The following CYFIP2 variants were observed in gnomAD, a reference collection of about 807,000 sequenced individuals.
The protein encoded by CYFIP2 is cytoplasmic FMR1-interacting protein 2.
In CYFIP2, 29 loss-of-function variants were observed where a neutral mutation model predicts 158.7. The ratio of observed to expected loss-of-function variants is 0.18; its 90% CI spans 0.14 to 0.25. The LOEUF is 0.25. Ranked by LOEUF, CYFIP2 falls within the 10% of genes least tolerant of loss-of-function variation. The pLI, the probability that CYFIP2 is intolerant of heterozygous loss-of-function variation, is 1.00. For synonymous variants in CYFIP2, 585 were observed against 617.6 expected (o/e 0.95, Z 0.78); for missense variants, 852 against 1,639.5 (o/e 0.52, Z 8.29).
At chr5:157,325,363 A>G in intron 16 of CYFIP2, 119 bp from the exon 17 acceptor site, 2 of 1,149,200 alleles carry the variant, frequency 1.7e-6, no homozygotes, top group Non-Finnish European at 2.3e-6. Context: ...ACTAATCAAT[A>G]TTAGTACCTG....
intron 26 of CYFIP2, among the ~76,000 whole-genome samples, chr5:157,373,135 C>T (rs1314389456): frequency 1.3e-5 from 2 of 152,142 alleles, no homozygotes; most frequent in Non-Finnish European, 2.9e-5. Flanking sequence ...CCAACTTTGA[C>T]CCACAAGGCT....
chr5:157,332,487 A>G (rs967598659), intron 20 of CYFIP2, among the ~76,000 whole-genome samples: 4 of 152,202 alleles, frequency 2.6e-5, no homozygotes, highest in Non-Finnish European at 5.9e-5. Context: ...AAGAACAAGG[A>G]CGTTGTCTTA....
At position 157,393,183 on chromosome 5, in the gene CYFIP2, T is replaced by C; in HGVS notation, c.*183T>C. 1 of 491,778 alleles carries C rather than the reference T, an allele frequency of 2.0e-6. No individual in the cohort carries two copies. Among genetic ancestry groups the C allele is most frequent in the Non-Finnish European group, 3.4e-6 (1 of 289,902 alleles). The allele number at this position is 491,778 out of a possible 1,614,324, so 30.5% of individuals were successfully genotyped here. ...TGCATGCTCTCCCATGACATCTCCA[T>C]GCTGGTTTCTCCATAGCATAAATGA... is the stretch of plus-strand genomic sequence containing the variant. On this transcript the variant is annotated 3_prime_UTR_variant, in exon 31 of 31. Transcript: ENST00000620254.
intron 11 of CYFIP2, among the ~76,000 whole-genome samples, chr5:157,314,089 G>A (rs1759948560): frequency 6.6e-6 from 1 of 152,072 alleles, no homozygotes; most frequent in South Asian, 2.1e-4. Context: ...ACATATTGGT[G>A]CATACATAAA....
intron 5 of CYFIP2, among the ~76,000 whole-genome samples, chr5:157,297,202 A>G (rs1485399724): frequency 6.6e-6 from 1 of 152,236 alleles, no homozygotes. Context: ...AGAAGTTGCC[A>G]CAGAGGCAAA....
Position 157,341,089 on chromosome 5 carries a change from C to T in CYFIP2, c.2605C>T (p.Pro869Ser). Residue 869 changes from proline to serine, a missense_variant, in exon 23 of 31, where the codon CCT becomes TCT. Physicochemically the swap from Pro to Ser is moderately conservative, Grantham distance 74. Coordinates refer to ENST00000620254, the MANE Select transcript of CYFIP2 (RefSeq NM_001037333.3). ...TACTAGTTTTGTGCGGACTGCCATT[C>T]CTTTCACCCAAGAACCACAACGAGA... is the stretch of plus-strand genomic sequence containing the variant. The part of the protein sequence containing the change: ...STNRFVRTAI[P>S]FTQEPQRDKP... 1.2e-6 allele frequency: 2 copies of T among 1,613,994 alleles called. No homozygotes were observed. Among genetic ancestry groups the T allele is most frequent in the Non-Finnish European group, 1.7e-6 (2 of 1,179,870 alleles).
rs762307392 is a variant in CYFIP2, at chr5:157,323,996, C to T, written c.1747C>T (p.Leu583=). The change falls in exon 16 of 31, where the codon CTG becomes TTG. Residue 583 remains leucine (L), a synonymous_variant. Coordinates refer to ENST00000620254, the MANE Select transcript of CYFIP2 (RefSeq NM_001037333.3). ...SGSKKTLRSS[L]DGPIVLAIED... ...CTCCAAGAAGACCCTGAGGAGCAGC[C>T]TGGATGGACCCATTGTCCTCGCCAT... 16 of 1,613,066 alleles carry T rather than the reference C, an allele frequency of 9.9e-6. No individual in the cohort carries two copies. The highest frequency in any genetic ancestry group is 1.4e-5 in the Non-Finnish European group (16 of 1,179,518).
At chr5:157,287,255 A>G (rs1757466612) in intron 3 of CYFIP2, 147 bp downstream of exon 3, 1 of 599,374 alleles carries the variant, frequency 1.7e-6, no homozygotes, top group African/African-American at 1.8e-5. Context: ...CCACTCTTAC[A>G]TTCTGCGCCA....
At chr5:157,286,580 T>TATATA (rs1561691042) in intron 2 of CYFIP2, among the ~76,000 whole-genome samples, 2 of 139,980 alleles carry the variant, frequency 1.4e-5, no homozygotes, top group Admixed American at 7.1e-5. Flanking sequence ...ATATATATAT[T>TATATA]TAGCCTTTCA....
chr5:157,307,118 T>G (rs930613888), intron 8 of CYFIP2, among the ~76,000 whole-genome samples: 1 of 152,172 alleles, frequency 6.6e-6, no homozygotes, highest in African/African-American at 2.4e-5. Flanking sequence ...GTCAACCTAC[T>G]CAGAGGGCAA....
At chr5:157,332,638 C>T (rs575895552) in intron 20 of CYFIP2, among the ~76,000 whole-genome samples, 88 of 152,184 alleles carry the variant, frequency 5.8e-4, no homozygotes, top group African/African-American at 2.0e-3. Context: ...CAGGTGTCAG[C>T]GCGAATCTTT....
chr5:157,339,040 GCTCT>G lies in CYFIP2; in HGVS notation c.2386-10_2386-7del. 6.2e-7 allele frequency: 1 copy of G among 1,602,064 alleles called. No individual in the cohort carries two copies. The highest frequency in any genetic ancestry group is 8.5e-7 in the Non-Finnish European group (1 of 1,173,106). ...ACAAGCAAGTCCTCAGCAGTTGTGG[GCTCT>G]CTCTCTGTACAGGAGCTGGAGTGGC... On this transcript the variant is annotated splice_polypyrimidine_tract_variant and intron_variant, in intron 21 of 30. Transcript: ENST00000620254.
chr5:157,355,349 C>A (rs534253530), intron 23 of CYFIP2, among the ~76,000 whole-genome samples: 54 of 152,270 alleles, frequency 3.5e-4, no homozygotes, highest in Admixed American at 2.9e-3. Flanking sequence ...TCTTTATTTA[C>A]CAAGTCATCA....
At chr5:157,363,511 CAGAG>C (rs368753777) in intron 26 of CYFIP2, 1 of 152,546 alleles carries the variant, frequency 6.6e-6, no homozygotes, top group Non-Finnish European at 1.5e-5. Context: ...GTGGCTGTGT[CAGAG>C]AGAGATGTGC....
intron 23 of CYFIP2, chr5:157,343,383 C>G (rs1248047075): frequency 6.2e-7 from 1 of 1,614,190 alleles, no homozygotes; most frequent in Non-Finnish European, 8.5e-7. Context: ...GGCACCTTCT[C>G]CTCGTGGTGG....
At chr5:157,313,380 C>G (rs763272605) in intron 11 of CYFIP2, among the ~76,000 whole-genome samples, 1 of 152,170 alleles carries the variant, frequency 6.6e-6, no homozygotes, top group Non-Finnish European at 1.5e-5. Flanking sequence ...TTCCATAAGG[C>G]ATGTTACAGC....
intron 26 of CYFIP2, chr5:157,364,493 G>A (rs1177228652): frequency 1.3e-5 from 2 of 152,270 alleles, no homozygotes; most frequent in Non-Finnish European, 2.9e-5. Context: ...TCATAAGTGA[G>A]AAAACTGAGA....
chr5:157,280,639 A>C (rs1043768250), intron 1 of CYFIP2, among the ~76,000 whole-genome samples: 2 of 152,122 alleles, frequency 1.3e-5, no homozygotes, highest in Non-Finnish European at 1.5e-5. Context: ...ATTTTATGAA[A>C]AATTTGAAAC....
intron 1 of CYFIP2, among the ~76,000 whole-genome samples, chr5:157,275,126 T>G (rs1211408871): frequency 6.6e-6 from 1 of 152,182 alleles, no homozygotes; most frequent in Admixed American, 6.5e-5. Context: ...TGCAAATATT[T>G]TCTTCTATTC....
Sources: allele counts gnomAD v4.1 joint callset (sites outside exome capture counted in the v4.1 genomes callset), GRCh38; gene constraint gnomAD v4.1.1; transcripts MANE v1.5; gene names NCBI Gene and HGNC (gene_info 2026-07-23, HGNC 2026-07-21).